The following HP1BP3 variants were observed in gnomAD, a reference collection of about 807,000 sequenced individuals.
HP1BP3 encodes heterochromatin protein 1-binding protein 3.
In HP1BP3, 12 loss-of-function variants were observed where a neutral mutation model predicts 62.5. That is an observed-to-expected ratio of 0.19 (90% CI 0.12 to 0.31). The LOEUF is 0.31. Ranked by LOEUF, HP1BP3 falls within the 10% of genes least tolerant of loss-of-function variation. HP1BP3 has a pLI of 1.00. For missense variants in HP1BP3, 502 were observed against 651.8 expected (o/e 0.77, Z 2.50); for synonymous variants, 260 against 237.8 (o/e 1.09, Z -0.86).
At chr1:20,756,718 GT>G (rs568468417) in intron 9 of HP1BP3, among the ~76,000 whole-genome samples, 1 of 152,020 alleles carries the variant, frequency 6.6e-6, no homozygotes, top group Non-Finnish European at 1.5e-5. Flanking sequence ...ATTTCTTTGT[GT>G]TTTTTTGTTT....
chr1:20,751,537 C>A (rs1249516648), intron 9 of HP1BP3, among the ~76,000 whole-genome samples: 1 of 151,772 alleles, frequency 6.6e-6, no homozygotes, highest in East Asian at 1.9e-4. Flanking sequence ...CCAACCTCGG[C>A]AACATAGTGA....
chr1:20,747,250 C>T (rs2055395831), intron 11 of HP1BP3, among the ~76,000 whole-genome samples: 1 of 152,116 alleles, frequency 6.6e-6, no homozygotes, highest in South Asian at 2.1e-4. Context: ...AACGCATTAG[C>T]CCACTTTATA....
At chr1:20,753,349 G>A (rs996965466) in intron 9 of HP1BP3, among the ~76,000 whole-genome samples, 2 of 152,110 alleles carry the variant, frequency 1.3e-5, no homozygotes, top group African/African-American at 4.8e-5. Flanking sequence ...AGCCTGTCAT[G>A]TAAAAAAATA....
intron 2 of HP1BP3, 31 bp downstream of exon 2, chr1:20,780,314 G>A (rs755530175): frequency 6.7e-7 from 1 of 1,496,322 alleles, no homozygotes; most frequent in Admixed American, 1.7e-5. Context: ...ATTGATCCAA[G>A]AGTGAGCTTC....
At chr1:20,759,166 C>A (rs1473392137) in intron 8 of HP1BP3, among the ~76,000 whole-genome samples, 1 of 152,138 alleles carries the variant, frequency 6.6e-6, no homozygotes, top group Non-Finnish European at 1.5e-5. Flanking sequence ...TCTGGGGGGC[C>A]GAGGCCGGCA....
rs199580694 is a variant in HP1BP3, at chr1:20,752,947, G to GT, written c.982-3066dup. Among the ~76,000 whole-genome samples the GT allele has an allele frequency of 5.4e-3, 797 of 147,808 alleles. 22 individuals carry two copies. In the South Asian group the frequency reaches 0.067, roughly 12 times the overall value. ...ATTAGCTGCATTTTTCTTGGAACAC[G>GT]TTTTTTTTTTTTGAGACGGAGTCTC... On this transcript the variant is annotated intron_variant, in intron 9 of 12. Coordinates refer to ENST00000438032, the MANE Select transcript of HP1BP3 (RefSeq NM_001372052.1).
intron 4 of HP1BP3, chr1:20,775,865 T>C (rs894899830): frequency 5.2e-5 from 64 of 1,233,300 alleles, no homozygotes; most frequent in Non-Finnish European, 6.3e-5. Flanking sequence ...CTTTATGATG[T>C]TGGCACGATG....
At chr1:20,756,118 T>C (rs770250561) in intron 9 of HP1BP3, among the ~76,000 whole-genome samples, 1 of 152,236 alleles carries the variant, frequency 6.6e-6, no homozygotes, top group African/African-American at 2.4e-5. Flanking sequence ...TTATAAACTG[T>C]AATTATATAA....
rs777103594 is a variant in HP1BP3, at chr1:20,757,234, G to A, written c.913C>T (p.Leu305=). 1.9e-6 allele frequency: 3 copies of A among 1,608,436 alleles called. No homozygotes were observed. The highest frequency in any genetic ancestry group is 2.5e-6 in the Non-Finnish European group (3 of 1,178,116). The part of the protein sequence containing the change: ...DIRPQLLKNA[L]QRAVERGQLE... ...TGGCCCCTCTCTACTGCTCTCTGCA[G>A]AGCGTTCTTCAACAGCTGAGGCCTG... Residue 305 remains leucine, a synonymous_variant, in exon 9 of 13, where the codon CTG becomes TTG. Coordinates refer to ENST00000438032, the MANE Select transcript of HP1BP3 (RefSeq NM_001372052.1).
chr1:20,786,255 A>G (rs925403775), intron 1 of HP1BP3: 1 of 152,312 alleles, frequency 6.6e-6, no homozygotes, highest in Admixed American at 6.5e-5. Context: ...CGACCTACCG[A>G]GGCACCGCTC....
At chr1:20,777,704 C>G (rs867145792) in intron 3 of HP1BP3, among the ~76,000 whole-genome samples, 1 of 152,156 alleles carries the variant, frequency 6.6e-6, no homozygotes, top group African/African-American at 2.4e-5. Flanking sequence ...GTGATCCACC[C>G]GCCTCAGCCT....
Position 20,751,335 on chromosome 1 carries a change from AC to A in HP1BP3, c.982-1454del, listed in dbSNP as rs946447710. Among the ~76,000 whole-genome samples, 21 of 151,730 alleles carry A rather than the reference AC, an allele frequency of 1.4e-4. 1 individual carries two copies. Among genetic ancestry groups the A allele is most frequent in the African/African-American group, 4.8e-4 (20 of 41,302 alleles). On this transcript the variant is annotated intron_variant, in intron 9 of 12. Coordinates refer to ENST00000438032, the MANE Select transcript of HP1BP3 (RefSeq NM_001372052.1). ...ACTGCACGGGGGATCTGCACCTTTA[AC>A]CCCTATGTTGTTCAAGGGTCAGCTG... is the stretch of plus-strand genomic sequence containing the variant.
chr1:20,763,216 A>T (rs1158168710), intron 8 of HP1BP3, among the ~76,000 whole-genome samples: 1 of 152,210 alleles, frequency 6.6e-6, no homozygotes, highest in Non-Finnish European at 1.5e-5. Flanking sequence ...AGCCTGCAGT[A>T]CCATGAGCCA....
intron 12 of HP1BP3, 68 bp downstream of exon 12, chr1:20,745,475 T>G: frequency 6.4e-7 from 1 of 1,563,340 alleles, no homozygotes; most frequent in Admixed American, 2.0e-5. Context: ...TAGCCCCTCC[T>G]ATAGCACTAT....
rs182106479 is a variant in HP1BP3, at chr1:20,744,603, G to T, written c.*194C>A. ...TATTGCAGAAATTAAAATGAACAAGGAAAAGGGCAGGCACCAATAAAAGCA... is the reference window on the plus strand; with the variant it reads ...TATTGCAGAAATTAAAATGAACAAGTAAAAGGGCAGGCACCAATAAAAGCA... On this transcript the variant is annotated 3_prime_UTR_variant, in exon 13 of 13. Coordinates refer to ENST00000438032, the MANE Select transcript of HP1BP3 (RefSeq NM_001372052.1). The T allele has an allele frequency of 6.1e-4, 349 of 573,646 alleles. 3 individuals carry two copies. The East Asian group carries it at 9.7e-3, about 16-fold the overall frequency. 35.5% of individuals were successfully genotyped at this position (573,646 alleles called of 1,614,324 possible).
chr1:20,771,206 G>T lies in HP1BP3; in HGVS notation c.511-133C>A, dbSNP rs1314098197. Reference sequence around the variant, plus strand: ...CGGTAGGGAAGAATGAACTTCAGAAGACTTCAGTTCATAATGACTACAGAG... The same window carrying T: ...CGGTAGGGAAGAATGAACTTCAGAATACTTCAGTTCATAATGACTACAGAG... On this transcript the variant is annotated intron_variant, in intron 5 of 12. Coordinates refer to ENST00000438032, the MANE Select transcript of HP1BP3 (RefSeq NM_001372052.1). 7.4e-6 allele frequency: 5 copies of T among 672,802 alleles called. No individual in the cohort carries two copies. In the Admixed American group the frequency reaches 1.6e-4, roughly 22 times the overall value. The allele number at this position is 672,802 out of a possible 1,614,324, so 41.7% of individuals were successfully genotyped here.
Position 20,742,242 on chromosome 1 carries a change from C to T in HP1BP3, c.*2555G>A, listed in dbSNP as rs2055103184. On this transcript the variant is annotated 3_prime_UTR_variant, in exon 13 of 13. Transcript: ENST00000438032. ...AGTACAGAATTCTGAGCACAGGTACCTAACATCCATACTATTAAGAATCAT... is the reference window on the plus strand; with the variant it reads ...AGTACAGAATTCTGAGCACAGGTACTTAACATCCATACTATTAAGAATCAT... Among the ~76,000 whole-genome samples, 1 of 152,150 alleles carries T rather than the reference C, an allele frequency of 6.6e-6. No individual in the cohort carries two copies. Among genetic ancestry groups the T allele is most frequent in the Non-Finnish European group, 1.5e-5 (1 of 68,014 alleles).
At chr1:20,779,988 G>T in intron 2 of HP1BP3, 77 bp from the exon 3 acceptor site, 1 of 1,076,714 alleles carries the variant, frequency 9.3e-7, no homozygotes, top group Non-Finnish European at 1.4e-6. Context: ...GCCTAACTGG[G>T]TGTCAGATGT....
At chr1:20,750,462 G>A (rs192924862) in intron 9 of HP1BP3, among the ~76,000 whole-genome samples, 236 of 151,852 alleles carry the variant, frequency 1.6e-3, no homozygotes, top group African/African-American at 5.5e-3. Flanking sequence ...CAAGACGCGG[G>A]GTTGCAGTGT....
Sources: gnomAD v4.1 joint callset for allele counts (sites outside exome capture counted in the v4.1 genomes callset) on GRCh38, gnomAD v4.1.1 for gene constraint, MANE v1.5 for transcripts, NCBI Gene and HGNC (gene_info 2026-07-23, HGNC 2026-07-21) for gene names.